Variants in BACH2 observed in about 807,000 individuals in gnomAD.
BACH2 encodes BACH transcriptional regulator 2.
BACH2 carries 5 observed loss-of-function variants against 61.8 expected under a neutral mutation model. The ratio of observed to expected loss-of-function variants is 0.08; its 90% CI spans 0.04 to 0.17. The LOEUF (loss-of-function observed/expected upper bound fraction) is 0.17. BACH2 is among the 10% of genes least tolerant of loss of function. BACH2 has a pLI of 1.00. For synonymous variants in BACH2, 446 were observed against 440.1 expected (o/e 1.01, Z -0.17); for missense variants, 824 against 1,091.1 (o/e 0.76, Z 3.45).
chr6:90,293,305 T>C (rs1283395966), intron 1 of BACH2, among the ~76,000 whole-genome samples: 1 of 152,088 alleles, frequency 6.6e-6, no homozygotes, highest in African/African-American at 2.4e-5. Context: ...AATCTGAGGT[T>C]CAAAAACTAG....
chr6:90,250,536 CCT>C (rs1216780586), intron 3 of BACH2, among the ~76,000 whole-genome samples: 1 of 152,096 alleles, frequency 6.6e-6, no homozygotes, highest in Non-Finnish European at 1.5e-5. Flanking sequence ...TTGATTGAGC[CCT>C]GTTATGGGCC....
chr6:90,061,844 T>A (rs887399842), intron 5 of BACH2, among the ~76,000 whole-genome samples: 4 of 152,192 alleles, frequency 2.6e-5, no homozygotes, highest in South Asian at 2.1e-4. Flanking sequence ...GTAGCTTTGA[T>A]CTGAACAGTT....
At chr6:90,228,909 C>T (rs186536756) in intron 3 of BACH2, among the ~76,000 whole-genome samples, 1 of 152,282 alleles carries the variant, frequency 6.6e-6, no homozygotes, top group South Asian at 2.1e-4. Flanking sequence ...CATCATTTGA[C>T]AGTGAGGTAC....
At chr6:90,099,444 T>A (rs190295372) in intron 4 of BACH2, among the ~76,000 whole-genome samples, 4 of 152,364 alleles carry the variant, frequency 2.6e-5, no homozygotes, top group Non-Finnish European at 5.9e-5. Flanking sequence ...AGTGGCGTGA[T>A]CATAGCTCAC....
At chr6:90,088,485 T>C (rs16882402) in intron 5 of BACH2, among the ~76,000 whole-genome samples, 2,551 of 152,178 alleles carry the variant, frequency 0.017, 54 homozygotes, top group African/African-American at 0.058. Context: ...TAAAACTCTT[T>C]TCTGAGACAT....
At chr6:90,103,029 A>ATATATATTTTTTTTTTTTT in intron 4 of BACH2, among the ~76,000 whole-genome samples, 11 of 21,164 alleles carry the variant, frequency 5.2e-4, no homozygotes, top group Admixed American at 9.0e-4. Flanking sequence ...ATATATATAT[A>ATATATATTTTTTTTTTTTT]TTTTTTTTTT....
intron 4 of BACH2, among the ~76,000 whole-genome samples, chr6:90,135,354 T>C (rs1784236645): frequency 6.6e-6 from 1 of 152,208 alleles, no homozygotes; most frequent in African/African-American, 2.4e-5. Context: ...TCTGCACCAG[T>C]AACCCTCGGC....
chr6:89,986,982 T>A (rs1776277534), intron 6 of BACH2, among the ~76,000 whole-genome samples: 1 of 152,182 alleles, frequency 6.6e-6, no homozygotes, highest in South Asian at 2.1e-4. Flanking sequence ...CAATGTTAAC[T>A]GCAGCTCAAA....
rs1784940333 is a variant in BACH2 at position 90,154,823 on chromosome 6, C to T, written c.-162+51746G>A. Among the ~76,000 whole-genome samples, 5 of 152,192 alleles carry T rather than the reference C, an allele frequency of 3.3e-5. No homozygotes were observed. In the South Asian group the frequency reaches 1.0e-3, roughly 32 times the overall value. ...GCACAAGTGTTACTTTGGCAGGGTC[C>T]TGTCCGTAGAAAGAGACCCACTGAG... On this transcript the variant is annotated intron_variant, in intron 4 of 8. Coordinates refer to ENST00000257749, the MANE Select transcript of BACH2 (RefSeq NM_021813.4).
chr6:90,046,473 A>G (rs1260933867), intron 5 of BACH2, among the ~76,000 whole-genome samples: 2 of 152,214 alleles, frequency 1.3e-5, no homozygotes, highest in African/African-American at 4.8e-5. Context: ...ATCAGTTAAT[A>G]TTTGTGGATC....
chr6:89,980,394 G>C (rs1441642180), intron 6 of BACH2, among the ~76,000 whole-genome samples: 1 of 152,150 alleles, frequency 6.6e-6, no homozygotes, highest in Non-Finnish European at 1.5e-5. Flanking sequence ...CATGAGCATG[G>C]GGCTCTGTTT....
intron 3 of BACH2, among the ~76,000 whole-genome samples, chr6:90,232,061 T>C (rs1490733392): frequency 3.3e-5 from 5 of 151,950 alleles, no homozygotes; most frequent in African/African-American, 4.8e-5. Context: ...TATACAAGAG[T>C]GCCTTGCAAG....
In BACH2 at chr6:90,049,821, G is replaced by C. The variant is rs989124235; in HGVS notation, c.-13+39140C>G. Among the ~76,000 whole-genome samples, 4 of 152,206 alleles carry C rather than the reference G, an allele frequency of 2.6e-5. No individual in the cohort carries two copies. In the East Asian group the frequency reaches 5.8e-4, roughly 22 times the overall value. ...TAAAGTACTTTTGCTGCAAACCAAA[G>C]TAAGATTGTCATCCCAAGGAAAAGC... On this transcript the variant is annotated intron_variant, in intron 5 of 8. Transcript: ENST00000257749.
intron 1 of BACH2, among the ~76,000 whole-genome samples, chr6:90,276,111 T>C (rs1771683078): frequency 6.6e-6 from 1 of 152,186 alleles, no homozygotes; most frequent in Non-Finnish European, 1.5e-5. Context: ...AGGCTTTCAA[T>C]AAATGCAAGG....
Position 89,932,174 on chromosome 6 carries a change from C to T in BACH2, c.*234G>A. The T allele has an allele frequency of 2.0e-6, 1 of 503,016 alleles. No homozygotes were observed. Among genetic ancestry groups the T allele is most frequent in the Non-Finnish European group, 3.5e-6 (1 of 284,122 alleles). The allele number at this position is 503,016 out of a possible 1,614,324, so 31.2% of individuals were successfully genotyped here. A position where few individuals can be genotyped will look rare whatever the true frequency, so the allele number is the denominator to read the frequency against. The stretch of plus-strand genomic sequence containing the variant: ...AAATTGAGCCACAGACAGACAGTGT[C>T]ATCACTGCTGTCTTTCCTTGCCTGG... On this transcript the variant is annotated 3_prime_UTR_variant, in exon 9 of 9. Coordinates refer to ENST00000257749, the MANE Select transcript of BACH2 (RefSeq NM_021813.4).
chr6:90,278,857 G>T (rs968894643), intron 1 of BACH2, among the ~76,000 whole-genome samples: 1 of 151,996 alleles, frequency 6.6e-6, no homozygotes, highest in Non-Finnish European at 1.5e-5. Context: ...AAAGTATAAG[G>T]TGAACCACAT....
intron 3 of BACH2, among the ~76,000 whole-genome samples, chr6:90,243,299 A>C (rs963446302): frequency 2.6e-5 from 4 of 151,656 alleles, no homozygotes; most frequent in African/African-American, 9.6e-5. Context: ...AATTCTTAAG[A>C]AGGTGACTAT....
chr6:89,985,359 G>A (rs990937678), intron 6 of BACH2, among the ~76,000 whole-genome samples: 3 of 152,152 alleles, frequency 2.0e-5, no homozygotes, highest in Non-Finnish European at 2.9e-5. Context: ...GTGGCCTCAG[G>A]GGGCCCTGGC....
intron 5 of BACH2, among the ~76,000 whole-genome samples, chr6:90,020,475 T>G (rs905243169): frequency 6.6e-6 from 1 of 152,146 alleles, no homozygotes; most frequent in Non-Finnish European, 1.5e-5. Context: ...TCCCTCACCA[T>G]GTGATGCCCT....
Sources: allele counts gnomAD v4.1 joint callset (sites outside exome capture counted in the v4.1 genomes callset), GRCh38; gene constraint gnomAD v4.1.1; transcripts MANE v1.5; gene names NCBI Gene and HGNC (gene_info 2026-07-23, HGNC 2026-07-21).